DNAAF4: variants seen among roughly 807,000 people sequenced by gnomAD.
The protein encoded by DNAAF4 is dynein axonemal assembly factor 4.
A neutral mutation model predicts 51.8 loss-of-function variants in DNAAF4; 43 were observed. The observed-to-expected ratio is 0.83, with a 90% CI of 0.65 to 1.07. DNAAF4 has a LOEUF of 1.07. DNAAF4 is among the 50% of genes least tolerant of loss of function. DNAAF4 has a pLI of 0.00. For missense variants in DNAAF4, 581 were observed against 493.0 expected, an observed-to-expected ratio of 1.18 and a Z score of -1.69; for synonymous variants, 194 against 165.6, an observed-to-expected ratio of 1.17 and a Z score of -1.32.
intron 5 of DNAAF4, among the ~76,000 whole-genome samples, chr15:55,457,905 G>A (rs1479038417): frequency 6.6e-6 from 1 of 152,128 alleles, no homozygotes; most frequent in African/African-American, 2.4e-5. Context: ...CCAGCCTGGG[G>A]CCCAACTGGG....
intron 2 of DNAAF4, 33 bp from the exon 3 acceptor site, chr15:55,497,892 A>G (rs770107950): frequency 6.4e-7 from 1 of 1,571,140 alleles, no homozygotes; most frequent in Non-Finnish European, 8.6e-7. Context: ...AAACTAAGTT[A>G]GTTACACAAA....
intron 5 of DNAAF4, among the ~76,000 whole-genome samples, chr15:55,458,193 T>A (rs1474566201): frequency 6.6e-6 from 1 of 152,138 alleles, no homozygotes; most frequent in African/African-American, 2.4e-5. Context: ...AGAAGAAATC[T>A]GTGAATTGCC....
chr15:55,503,786 G>A (rs1163775884), intron 1 of DNAAF4, among the ~76,000 whole-genome samples: 2 of 152,086 alleles, frequency 1.3e-5, no homozygotes, highest in Non-Finnish European at 2.9e-5. Flanking sequence ...AAAATAATAA[G>A]AGCTATTTAT....
Position 55,466,878 on chromosome 15 carries a change from T to C in DNAAF4, c.637+52A>G, listed in dbSNP as rs187529878. ...GATTTACAAAAAAAGAAAAGCGTCA[T>C]ATATACTTCACCAACAGGACTCACT... On this transcript the variant is annotated intron_variant, in intron 5 of 9. Transcript: ENST00000321149. The C allele has an allele frequency of 2.1e-3, 3,294 of 1,569,942 alleles. 9 individuals are homozygous for C. Among genetic ancestry groups the C allele is most frequent in the Middle Eastern group, 8.3e-3 (49 of 5,938 alleles).
rs568522450 is a variant in DNAAF4 at position 55,439,374 on chromosome 15, G to C, written c.893+98C>G. ...ATCATCCCACCTCGGCCTCCCAAAGGGCTGGGATTACAGGCATGAGCCACC... is the reference window on the plus strand; with the variant it reads ...ATCATCCCACCTCGGCCTCCCAAAGCGCTGGGATTACAGGCATGAGCCACC... On this transcript the variant is annotated intron_variant, in intron 7 of 9. Transcript: ENST00000321149. The C allele has an allele frequency of 1.2e-5, 12 of 1,021,564 alleles. No individual in the cohort carries two copies. The African/African-American group carries it at 1.8e-4, about 15-fold the overall frequency. The allele number at this position is 1,021,564 out of a possible 1,614,324, so 63.3% of individuals were successfully genotyped here. A position where few individuals can be genotyped will look rare whatever the true frequency, so the allele number is the denominator to read the frequency against.
At chr15:55,486,119 C>T (rs1166453928) in intron 4 of DNAAF4, among the ~76,000 whole-genome samples, 1 of 151,732 alleles carries the variant, frequency 6.6e-6, no homozygotes, top group Non-Finnish European at 1.5e-5. Context: ...TATCCCTATA[C>T]CTCCACCTCA....
chr15:55,464,688 C>G (rs1053648364), intron 5 of DNAAF4, among the ~76,000 whole-genome samples: 2 of 152,160 alleles, frequency 1.3e-5, no homozygotes, highest in Non-Finnish European at 2.9e-5. Context: ...AAATGTCCCG[C>G]CAGGTGTGGT....
At chr15:55,487,686 A>C (rs1273799363) in intron 4 of DNAAF4, among the ~76,000 whole-genome samples, 5 of 151,986 alleles carry the variant, frequency 3.3e-5, no homozygotes, top group African/African-American at 9.7e-5. Flanking sequence ...ACGCGCCACC[A>C]TTAAGAGCTG....
intron 5 of DNAAF4, among the ~76,000 whole-genome samples, chr15:55,463,694 C>CA (rs1243550335): frequency 6.6e-6 from 1 of 151,700 alleles, no homozygotes; most frequent in Non-Finnish European, 1.5e-5. Flanking sequence ...ACAACAGCTG[C>CA]AAAAAAACCC....
At chr15:55,455,132 TA>T (rs1555416481) in intron 5 of DNAAF4, among the ~76,000 whole-genome samples, 4 of 148,054 alleles carry the variant, frequency 2.7e-5, no homozygotes, top group Admixed American at 6.7e-5. Flanking sequence ...TTTTTTTTTT[TA>T]AAAAAACCTC....
rs186404166 is a variant in DNAAF4, at chr15:55,441,788, C to T, written c.784-2207G>A. On this transcript the variant is annotated intron_variant, in intron 6 of 9. Transcript: ENST00000321149. Reference sequence around the variant, plus strand: ...ATAGTATTCCATGGTGTCTATGTGCCACATTTTCTTTTTTCTTTTTTAAAT... The same window carrying T: ...ATAGTATTCCATGGTGTCTATGTGCTACATTTTCTTTTTTCTTTTTTAAAT... 1.9e-3 allele frequency among the ~76,000 whole-genome samples: 288 copies of T among 152,236 alleles called. 5 individuals carry two copies. The highest frequency in any genetic ancestry group is 0.018 in the Admixed American group (278 of 15,284).
intron 3 of DNAAF4, 88 bp downstream of exon 3, chr15:55,497,624 C>T (rs1451224951): frequency 2.1e-6 from 3 of 1,462,806 alleles, no homozygotes; most frequent in Non-Finnish European, 2.7e-6. Context: ...TTCCCCTACA[C>T]AATATAGGTG....
intron 7 of DNAAF4, among the ~76,000 whole-genome samples, chr15:55,425,037 G>T (rs2057418318): frequency 6.6e-6 from 1 of 151,892 alleles, no homozygotes; most frequent in Admixed American, 6.6e-5. Context: ...GGCTAATTTT[G>T]TATTGTTAGT....
At chr15:55,432,468 G>A in intron 9 of DNAAF4, 29 bp downstream of exon 9, 2 of 1,563,580 alleles carry the variant, frequency 1.3e-6, no homozygotes, top group Non-Finnish European at 1.8e-6. Flanking sequence ...TATAACTTGG[G>A]ACTTAAACCA....
chr15:55,442,399 G>A (rs113193692), intron 6 of DNAAF4, among the ~76,000 whole-genome samples: 17 of 152,338 alleles, frequency 1.1e-4, no homozygotes, highest in Non-Finnish European at 1.3e-4. Flanking sequence ...GATTATAGGC[G>A]TGAGCCACAG....
rs1260274564 is a variant in DNAAF4 at position 55,483,961 on chromosome 15, G to C, written c.405+7162C>G. Among the ~76,000 whole-genome samples, 9 of 143,238 alleles carry C rather than the reference G, an allele frequency of 6.3e-5. No individual in the cohort carries two copies. The Admixed American group carries it at 6.8e-4, about 11-fold the overall frequency. The allele number at this position is 143,238 out of a possible 152,430, so 94.0% of individuals were successfully genotyped here. A position where few individuals can be genotyped will look rare whatever the true frequency, so the allele number is the denominator to read the frequency against. On this transcript the variant is annotated intron_variant, in intron 4 of 9. Transcript: ENST00000321149. ...ACTTACCAATATCTCAAAGATTTAG[G>C]AAAAAAGGGAATGAGTGGGTTTCAG... is the stretch of plus-strand genomic sequence containing the variant.
rs988084187 is a variant in DNAAF4, at chr15:55,432,429, A to C, written c.1153+68T>G. 6 of 1,316,342 alleles carry C rather than the reference A, an allele frequency of 4.6e-6. No individual in the cohort carries two copies. The African/African-American group carries it at 7.3e-5, about 16-fold the overall frequency. The allele number at this position is 1,316,342 out of a possible 1,614,324, so 81.5% of individuals were successfully genotyped here. ...TGGAGTCCTTAAAAGTCACGATCTT[A>C]AATAATTCCAATGACATTTTTTTCA... On this transcript the variant is annotated intron_variant, in intron 9 of 9. Coordinates refer to ENST00000321149, the MANE Select transcript of DNAAF4 (RefSeq NM_130810.4).
At chr15:55,452,162 C>T (rs1358504793) in intron 5 of DNAAF4, among the ~76,000 whole-genome samples, 1 of 137,784 alleles carries the variant, frequency 7.3e-6, no homozygotes, top group Non-Finnish European at 1.5e-5. Context: ...GCAGGAGAAT[C>T]GCTTCAACCT....
At chr15:55,497,922 A>G in intron 2 of DNAAF4, 63 bp from the exon 3 acceptor site, 2 of 1,543,638 alleles carry the variant, frequency 1.3e-6, no homozygotes. Flanking sequence ...CGTATTAAGA[A>G]ACACGTGAAA....
Sources: allele counts gnomAD v4.1 joint callset (sites outside exome capture counted in the v4.1 genomes callset), GRCh38; gene constraint gnomAD v4.1.1; transcripts MANE v1.5; gene names NCBI Gene and HGNC (gene_info 2026-07-23, HGNC 2026-07-21).